KCNK5: variants seen among roughly 807,000 people sequenced by gnomAD.
KCNK5 encodes the protein potassium two pore domain channel subfamily K member 5.
A neutral mutation model predicts 32.9 loss-of-function variants in KCNK5; 18 were observed. The ratio of observed to expected loss-of-function variants is 0.55; its 90% CI spans 0.38 to 0.81. The LOEUF (loss-of-function observed/expected upper bound fraction) is 0.81. Ranked by LOEUF, KCNK5 falls within the 30% of genes least tolerant of loss-of-function variation. The pLI is 0.00. For synonymous variants in KCNK5, 276 were observed against 275.3 expected, an observed-to-expected ratio of 1.00 and a Z score of -0.03; for missense variants, 507 against 651.0, an observed-to-expected ratio of 0.78 and a Z score of 2.41.
intron 2 of KCNK5, 90 bp downstream of exon 2, chr6:39,195,786 C>T (rs1771019522): frequency 4.8e-6 from 4 of 829,212 alleles, no homozygotes; most frequent in Non-Finnish European, 7.9e-6. Flanking sequence ...GTACCCCCAA[C>T]AGGGCTGAGT....
At chr6:39,217,270 G>A (rs1446454916) in intron 1 of KCNK5, among the ~76,000 whole-genome samples, 2 of 151,862 alleles carry the variant, frequency 1.3e-5, no homozygotes, top group Admixed American at 1.3e-4. Context: ...CAGGGGTCCA[G>A]AAAGGCGAGA....
In KCNK5 at chr6:39,191,733, G is replaced by A. The variant is rs750384806; in HGVS notation, c.657C>T (p.Tyr219=). 1.2e-6 allele frequency: 2 copies of A among 1,613,058 alleles called. No individual in the cohort carries two copies. The highest frequency in any genetic ancestry group is 1.7e-6 in the Non-Finnish European group (2 of 1,179,200). The change falls in exon 5 of 5, where the codon TAC becomes TAT. Residue 219 remains tyrosine (Y), a synonymous_variant. Coordinates refer to ENST00000359534, the MANE Select transcript of KCNK5 (RefSeq NM_003740.4). This position sits in a 1 kb window ranked among gnomAD's most constrained non-coding sequence, Gnocchi z 5.8. ...CCACGAAGTAGCGGTACAGGGCGTG[G>A]TAGTTGGCGCTGGGGTTCACACCTG... ...FVAGVNPSAN[Y]HALYRYFVEL...
At chr6:39,213,010 G>T (rs556843591) in intron 1 of KCNK5, among the ~76,000 whole-genome samples, 18 of 152,184 alleles carry the variant, frequency 1.2e-4, no homozygotes, top group Non-Finnish European at 2.5e-4. Flanking sequence ...TGGTATCCTT[G>T]GAGGGGGATT....
intron 1 of KCNK5, among the ~76,000 whole-genome samples, chr6:39,207,437 G>A (rs757985237): frequency 1.3e-5 from 2 of 152,204 alleles, no homozygotes; most frequent in Non-Finnish European, 2.9e-5. Flanking sequence ...AAGGCTGGAC[G>A]GTGGGCTCTA....
intron 1 of KCNK5, among the ~76,000 whole-genome samples, chr6:39,210,843 G>T (rs1177414853): frequency 6.6e-6 from 1 of 152,146 alleles, no homozygotes; most frequent in East Asian, 1.9e-4. Flanking sequence ...CCAAGCAATG[G>T]AGCATGAAGC....
chr6:39,208,056 G>A (rs1771260230), intron 1 of KCNK5, among the ~76,000 whole-genome samples: 1 of 152,024 alleles, frequency 6.6e-6, no homozygotes, highest in Non-Finnish European at 1.5e-5. Flanking sequence ...CTCCTCACCT[G>A]CTCTTCCCTC....
intron 1 of KCNK5, among the ~76,000 whole-genome samples, chr6:39,196,193 T>TCTGGCTCCAAAGTTCATTCTTTCA (rs1280434686): frequency 6.6e-6 from 1 of 152,272 alleles, no homozygotes; most frequent in East Asian, 1.9e-4. Context: ...ACCCAGGCAA[T>TCTGGCTCCAAAGTTCATTCTTTCA]CTGGCTCCAA....
At position 39,204,882 on chromosome 6, in the gene KCNK5, C is replaced by T. The variant is rs182291391; in HGVS notation, c.187-8895G>A. Among the ~76,000 whole-genome samples, 143 of 152,354 alleles carry T rather than the reference C, an allele frequency of 9.4e-4. 1 individual carries two copies. The highest frequency in any genetic ancestry group is 3.3e-3 in the African/African-American group (139 of 41,582). ...AGCCCAGAGGCACTGCTAGGTCTCA[C>T]GCTCAGGAGGGCAAGCCCCTGCCAG... On this transcript the variant is annotated intron_variant, in intron 1 of 4. Transcript: ENST00000359534.
intron 1 of KCNK5, among the ~76,000 whole-genome samples, chr6:39,225,659 A>G (rs1583724623): frequency 6.6e-6 from 1 of 152,230 alleles, no homozygotes; most frequent in East Asian, 1.9e-4. Flanking sequence ...CCTGTATGCC[A>G]TTACCTGTGC....
At chr6:39,214,371 G>T (rs1250164172) in intron 1 of KCNK5, among the ~76,000 whole-genome samples, 1 of 152,234 alleles carries the variant, frequency 6.6e-6, no homozygotes, top group Non-Finnish European at 1.5e-5. Context: ...GGGCAGAGGG[G>T]TATGGTCAGC....
At chr6:39,192,283 C>T (rs1340501524) in intron 4 of KCNK5, among the ~76,000 whole-genome samples, 3 of 46,720 alleles carry the variant, frequency 6.4e-5, no homozygotes, top group Non-Finnish European at 1.0e-4. Flanking sequence ...GACTCCGTCT[C>T]AAAAAAAAAA....
chr6:39,207,061 A>G (rs1342552958), intron 1 of KCNK5, among the ~76,000 whole-genome samples: 1 of 151,434 alleles, frequency 6.6e-6, no homozygotes, highest in Non-Finnish European at 1.5e-5. Context: ...TCCATTTACC[A>G]CCTCCTGGGC....
chr6:39,229,308 C>T lies in KCNK5; in HGVS notation c.-197G>A. 1 of 659,474 alleles carries T rather than the reference C, an allele frequency of 1.5e-6. No homozygotes were observed. Among genetic ancestry groups the T allele is most frequent in the Non-Finnish European group, 2.5e-6 (1 of 394,970 alleles). The allele number at this position is 659,474 out of a possible 1,614,324, so 40.9% of individuals were successfully genotyped here. A position where few individuals can be genotyped will look rare whatever the true frequency, so the allele number is the denominator to read the frequency against. On this transcript the variant is annotated 5_prime_UTR_variant, in exon 1 of 5. Transcript: ENST00000359534. ...TTGGCCCACGGAGTGCGGGGAGCTG[C>T]GTGGGGCCCCACTCACGCGGCCCGG...
At chr6:39,221,815 C>A (rs1771557636) in intron 1 of KCNK5, among the ~76,000 whole-genome samples, 1 of 152,176 alleles carries the variant, frequency 6.6e-6, no homozygotes, top group Non-Finnish European at 1.5e-5. Flanking sequence ...TCCCCCCAGC[C>A]CCTTCAACAT....
chr6:39,222,409 C>T (rs1430796785), intron 1 of KCNK5, among the ~76,000 whole-genome samples: 2 of 152,158 alleles, frequency 1.3e-5, no homozygotes, highest in Admixed American at 6.5e-5. Flanking sequence ...ACAGAAATGT[C>T]GTTATTTTAG....
chr6:39,195,056 C>T (rs1246435505), intron 2 of KCNK5, among the ~76,000 whole-genome samples: 4 of 152,176 alleles, frequency 2.6e-5, no homozygotes, highest in Non-Finnish European at 5.9e-5. Flanking sequence ...ATAAGACATG[C>T]TCTCTGTGTA....
chr6:39,198,185 T>C (rs1241592160), intron 1 of KCNK5, among the ~76,000 whole-genome samples: 1 of 152,216 alleles, frequency 6.6e-6, no homozygotes, highest in Non-Finnish European at 1.5e-5. Context: ...AGCTAACAGA[T>C]GGGATTAAAG....
At chr6:39,207,062 C>T (rs1771238299) in intron 1 of KCNK5, among the ~76,000 whole-genome samples, 1 of 152,226 alleles carries the variant, frequency 6.6e-6, no homozygotes, top group Non-Finnish European at 1.5e-5. Context: ...CCATTTACCA[C>T]CTCCTGGGCA....
At chr6:39,210,303 C>T (rs1771309321) in intron 1 of KCNK5, among the ~76,000 whole-genome samples, 1 of 152,088 alleles carries the variant, frequency 6.6e-6, no homozygotes, top group Admixed American at 6.5e-5. Context: ...GTCCCTTGGC[C>T]CTCTCCCCAT....
Sources: gnomAD v4.1 joint callset for allele counts (sites outside exome capture counted in the v4.1 genomes callset) on GRCh38, gnomAD v4.1.1 for gene constraint, Gnocchi (gnomAD v3.1) non-coding constraint, MANE v1.5 for transcripts, NCBI Gene and HGNC (gene_info 2026-07-23, HGNC 2026-07-21) for gene names.